The following LPIN2 variants were observed in gnomAD, a reference collection of about 807,000 sequenced individuals.
LPIN2 encodes phosphatidate phosphatase LPIN2.
Under a neutral mutation model 111.4 loss-of-function variants are expected in LPIN2, and 55 were observed. That is an observed-to-expected ratio of 0.49 (90% CI 0.40 to 0.62). The LOEUF (loss-of-function observed/expected upper bound fraction) is 0.62, where lower values mean the gene tolerates loss of function less well. LPIN2 is among the 20% of genes least tolerant of loss of function. The probability of loss-of-function intolerance (pLI) is 0.00; values close to 1 mark genes in which losing one functional copy is unlikely to be tolerated. For synonymous variants in LPIN2, 425 were observed against 414.0 expected (o/e 1.03, Z -0.32); for missense variants, 992 against 1,112.1 (o/e 0.89, Z 1.54).
At chr18:2,921,082 CAGCCACCAAGGGGA>C (rs2077046955) in intron 18 of LPIN2, 1 of 627,922 alleles carries the variant, frequency 1.6e-6, no homozygotes, top group Non-Finnish European at 2.9e-6. Context: ...AAAACTTGGG[CAGCCACCAAGGGGA>C]AGCCAGGGTC....
chr18:2,966,415 G>A (rs2077805231), intron 1 of LPIN2, among the ~76,000 whole-genome samples: 1 of 152,176 alleles, frequency 6.6e-6, no homozygotes, highest in Admixed American at 6.5e-5. Flanking sequence ...GTTATCTCAT[G>A]TAGTCTTCAC....
intron 1 of LPIN2, among the ~76,000 whole-genome samples, chr18:2,998,834 A>G (rs190844842): frequency 6.6e-6 from 1 of 152,332 alleles, no homozygotes; most frequent in East Asian, 1.9e-4. Flanking sequence ...CTCATAAGAC[A>G]CTACTGCTGT....
intron 6 of LPIN2, among the ~76,000 whole-genome samples, 169 bp downstream of exon 6, chr18:2,939,311 C>G (rs1383144204): frequency 1.3e-5 from 2 of 152,102 alleles, no homozygotes; most frequent in South Asian, 2.1e-4. Flanking sequence ...ATATATAGTC[C>G]AAATGTTACA....
At chr18:2,992,712 G>A (rs187064706) in intron 1 of LPIN2, among the ~76,000 whole-genome samples, 26 of 152,086 alleles carry the variant, frequency 1.7e-4, no homozygotes, top group South Asian at 4.1e-4. Flanking sequence ...GGCCGGGTGC[G>A]GTGGCTCATG....
At chr18:2,971,205 T>A (rs527793346) in intron 1 of LPIN2, among the ~76,000 whole-genome samples, 1 of 152,218 alleles carries the variant, frequency 6.6e-6, no homozygotes, top group Non-Finnish European at 1.5e-5. Context: ...CCAGTTTTCA[T>A]CTTAATCTGG....
intron 1 of LPIN2, among the ~76,000 whole-genome samples, chr18:2,963,982 AT>A (rs1222142947): frequency 3.2e-4 from 48 of 151,836 alleles, no homozygotes; most frequent in African/African-American, 1.1e-3. Flanking sequence ...TATTATTTCT[AT>A]TTTTAAAGAC....
rs75709142 is a variant in LPIN2 at position 2,931,260 on chromosome 18, T to A, written c.1452A>T (p.Ser484=). The change falls in exon 9 of 20, where the codon TCA becomes TCT. Residue 484 remains serine (S), a synonymous_variant. Coordinates refer to ENST00000677752, the MANE Select transcript of LPIN2 (RefSeq NM_001375808.2). ...CGGLSENGEI[S]KEKFMEHIIT... is the part of the protein sequence containing the mutation. Reference sequence around the variant, plus strand: ...GGGCACAAACACCCAACGTACCTTTTGAAATTTCTCCATTTTCACTGAGGC... The same window carrying A: ...GGGCACAAACACCCAACGTACCTTTAGAAATTTCTCCATTTTCACTGAGGC... 6.2e-7 allele frequency: 1 copy of A among 1,614,122 alleles called. No individual in the cohort carries two copies. The highest frequency in any genetic ancestry group is 2.2e-5 in the East Asian group (1 of 44,872).
In LPIN2 at chr18:2,919,948, A is replaced by C; in HGVS notation, c.*345T>G. 1 of 380,152 alleles carries C rather than the reference A, an allele frequency of 2.6e-6. No homozygotes were observed. The highest frequency in any genetic ancestry group is 2.2e-5 in the South Asian group (1 of 44,806). The allele number at this position is 380,152 out of a possible 1,614,324, so 23.5% of individuals were successfully genotyped here. On this transcript the variant is annotated 3_prime_UTR_variant, in exon 20 of 20. Coordinates refer to ENST00000677752, the MANE Select transcript of LPIN2 (RefSeq NM_001375808.2). ...GAAACTGGAACACTTCACTGTGTGC[A>C]GTGTTTTGGTCCACTCTTTTTTAGC...
intron 1 of LPIN2, among the ~76,000 whole-genome samples, chr18:3,005,574 G>A (rs2078501358): frequency 2.0e-5 from 3 of 152,052 alleles, no homozygotes; most frequent in African/African-American, 7.2e-5. Flanking sequence ...CTACTCAGGA[G>A]GCACAGGCAA....
chr18:2,946,226 G>C, intron 4 of LPIN2: 2 of 1,578,232 alleles, frequency 1.3e-6, no homozygotes, highest in Non-Finnish European at 1.7e-6. Flanking sequence ...TCTTTTTATC[G>C]CGTCTACTGT....
At chr18:2,928,797 AT>A (rs543309647) in intron 10 of LPIN2, 137 bp from the exon 11 acceptor site, 2 of 760,852 alleles carry the variant, frequency 2.6e-6, no homozygotes, top group African/African-American at 1.7e-5. Context: ...GATCAGCTGA[AT>A]TTTTTGTCAC....
chr18:2,920,311 G>T lies in LPIN2; in HGVS notation c.2673C>A (p.Asp891Glu). 4 of 1,614,136 alleles carry T rather than the reference G, an allele frequency of 2.5e-6. No individual in the cohort carries two copies. The highest frequency in any genetic ancestry group is 3.4e-6 in the Non-Finnish European group (4 of 1,180,028). The change falls in exon 20 of 20, where the codon GAC becomes GAA. Residue 891 changes from aspartate to glutamate, a missense_variant. Transcript: ENST00000677752. ...CYWRDPIPEVDLDDLS is the reference protein window; with the variant it reads ...CYWRDPIPEVELDDLS The stretch of plus-strand genomic sequence containing the variant: ...TGCCGCCTCAAGACAGGTCATCCAG[G>T]TCCACTTCAGGGATCGGGTCTCGCC...
chr18:3,006,392 A>G (rs1177872989), intron 1 of LPIN2, among the ~76,000 whole-genome samples: 3 of 152,200 alleles, frequency 2.0e-5, no homozygotes, highest in Admixed American at 6.5e-5. Context: ...CTGCAACAGA[A>G]GATCAGTCCT....
At chr18:2,973,858 G>A (rs2077963808) in intron 1 of LPIN2, among the ~76,000 whole-genome samples, 1 of 152,126 alleles carries the variant, frequency 6.6e-6, no homozygotes, top group Admixed American at 6.5e-5. Context: ...ATCTTGGCTG[G>A]GACCTATCAC....
chr18:2,925,198 G>T lies in LPIN2; in HGVS notation c.1938+26C>A, dbSNP rs201921615. The T allele has an allele frequency of 6.2e-7, 1 of 1,614,010 alleles. No homozygotes were observed. Among genetic ancestry groups the T allele is most frequent in the Non-Finnish European group, 8.5e-7 (1 of 1,179,890 alleles). ...ACCATTACTAAAATAAGTCCTACTG[G>T]ACAACACAGATCATGCAAGACTCAC... On this transcript the variant is annotated intron_variant, in intron 14 of 19. Transcript: ENST00000677752. The surrounding 1 kb of genome is among the most constrained non-coding windows in gnomAD (Gnocchi z 4.1).
intron 7 of LPIN2, 102 bp downstream of exon 7, chr18:2,937,589 TG>T: frequency 1.3e-6 from 1 of 792,160 alleles, no homozygotes; most frequent in Non-Finnish European, 2.1e-6. Flanking sequence ...GGGTTTCGAC[TG>T]GTGAATACAA....
chr18:2,956,422 G>A (rs752609334), intron 2 of LPIN2, among the ~76,000 whole-genome samples: 5 of 152,022 alleles, frequency 3.3e-5, no homozygotes, highest in East Asian at 1.9e-4. Context: ...CAGGAGTTAC[G>A]AGCACGCCTA....
chr18:2,963,374 G>C (rs917817997), intron 1 of LPIN2, among the ~76,000 whole-genome samples: 7 of 150,276 alleles, frequency 4.7e-5, no homozygotes, highest in African/African-American at 1.5e-4. Flanking sequence ...GCCCAGCATA[G>C]CTACACAATA....
intron 1 of LPIN2, among the ~76,000 whole-genome samples, chr18:2,977,613 G>C (rs1294727234): frequency 6.6e-6 from 1 of 152,072 alleles, no homozygotes; most frequent in African/African-American, 2.4e-5. Flanking sequence ...AAAATCAAAA[G>C]AGCAAACGTA....
Sources: allele counts gnomAD v4.1 joint callset (sites outside exome capture counted in the v4.1 genomes callset), GRCh38; gene constraint gnomAD v4.1.1; non-coding constraint Gnocchi (gnomAD v3.1); transcripts MANE v1.5; gene names NCBI Gene and HGNC (gene_info 2026-07-23, HGNC 2026-07-21).